The following ZFHX3 variants were observed in gnomAD, a reference collection of about 807,000 sequenced individuals.
The protein encoded by ZFHX3 is zinc finger homeobox 3.
ZFHX3 carries 42 observed loss-of-function variants against 279.1 expected under a neutral mutation model. The observed-to-expected ratio is 0.15, with a 90% CI of 0.12 to 0.19. ZFHX3 has a LOEUF of 0.19. Among genes scored for constraint, ZFHX3 ranks in the 10% least tolerant of loss-of-function variants. The probability of loss-of-function intolerance (pLI) is 1.00; values close to 1 mark genes in which losing one functional copy is unlikely to be tolerated. For synonymous variants in ZFHX3, 2,293 were observed against 1,957.8 expected, an observed-to-expected ratio of 1.17 and a Z score of -4.52; for missense variants, 4,981 against 4,754.0, an observed-to-expected ratio of 1.05 and a Z score of -1.40.
rs141118247 is a variant in ZFHX3, at chr16:73,218,586, T to G, written c.-1104+38461A>C. Among the ~76,000 whole-genome samples the G allele has an allele frequency of 6.5e-3, 995 of 152,220 alleles. 11 individuals are homozygous for G. Among genetic ancestry groups the G allele is most frequent in the African/African-American group, 0.023 (958 of 41,532 alleles). On this transcript the variant is annotated intron_variant, in intron 5 of 17. Transcript: ENST00000641206. ...GAGTTCGAGACCAGCCTGGCCAACA[T>G]GGCAAAACCCTGTCTCTACTAAAAA...
chr16:72,882,232 G>T (rs1453311421), intron 4 of ZFHX3, among the ~76,000 whole-genome samples: 2 of 141,696 alleles, frequency 1.4e-5, no homozygotes, highest in Non-Finnish European at 3.0e-5. Flanking sequence ...AGTGGCCACA[G>T]TATCAATGCT....
At chr16:72,916,478 A>G (rs1383236621) in intron 3 of ZFHX3, among the ~76,000 whole-genome samples, 1 of 152,244 alleles carries the variant, frequency 6.6e-6, no homozygotes, top group Non-Finnish European at 1.5e-5. Flanking sequence ...TAAGATGTGA[A>G]CAGAGACAGA....
chr16:72,911,873 G>C (rs1361266968), intron 3 of ZFHX3, among the ~76,000 whole-genome samples: 1 of 152,150 alleles, frequency 6.6e-6, no homozygotes, highest in South Asian at 2.1e-4. Flanking sequence ...CAGAGGGCAG[G>C]GGGAGAGGGA....
At position 72,890,101 on chromosome 16, in the gene ZFHX3, G is replaced by T. The variant is rs1410254370; in HGVS notation, c.3217-139C>A. 11 of 741,888 alleles carry T rather than the reference G, an allele frequency of 1.5e-5. No individual in the cohort carries two copies. In the African/African-American group the frequency reaches 1.9e-4, roughly 13 times the overall value. 46.0% of individuals were successfully genotyped at this position (741,888 alleles called of 1,614,324 possible). A position where few individuals can be genotyped will look rare whatever the true frequency, so the allele number is the denominator to read the frequency against. The stretch of plus-strand genomic sequence containing the variant: ...TCCACAGCCAAACAGGACAGTCTTT[G>T]ATATGGTTTGGCTGTGTCCCCGCCC... On this transcript the variant is annotated intron_variant, in intron 3 of 9. Transcript: ENST00000268489.
intron 1 of ZFHX3, among the ~76,000 whole-genome samples, chr16:72,979,354 G>A (rs1324093349): frequency 1.3e-5 from 2 of 152,158 alleles, no homozygotes; most frequent in Non-Finnish European, 2.9e-5. Flanking sequence ...GGAAAAAACA[G>A]CAAGGAGCTC....
rs183348588 is a variant in ZFHX3, at chr16:73,877,744, A to C, written c.-1608+13907T>G. Among the ~76,000 whole-genome samples the C allele has an allele frequency of 2.0e-5, 3 of 152,234 alleles. No individual in the cohort carries two copies. The East Asian group carries it at 5.8e-4, about 29-fold the overall frequency. ...AAAGAGGATTTTGTTCGGAGGAAAA[A>C]AATTAAAGTTTTAGCAAAATATTTT... is the stretch of plus-strand genomic sequence containing the variant. On this transcript the variant is annotated intron_variant, in intron 1 of 17. Coordinates refer to the ZFHX3 transcript ENST00000641206.
At chr16:73,589,435 C>CA (rs35416481) in intron 2 of ZFHX3, among the ~76,000 whole-genome samples, 13,036 of 136,090 alleles carry the variant, frequency 0.096, 806 homozygotes, top group Non-Finnish European at 0.14. Flanking sequence ...GACGCTCTTT[C>CA]AAAAAAAAAA....
At chr16:73,889,248 G>A (rs964335966) in intron 1 of ZFHX3, among the ~76,000 whole-genome samples, 10 of 152,202 alleles carry the variant, frequency 6.6e-5, no homozygotes, top group Admixed American at 6.5e-4. Flanking sequence ...GTGCAGGAAG[G>A]AAGCTGCGCC....
chr16:73,439,547 T>C (rs1193883368), intron 3 of ZFHX3, among the ~76,000 whole-genome samples: 1 of 152,144 alleles, frequency 6.6e-6, no homozygotes, highest in Non-Finnish European at 1.5e-5. Context: ...TGCTACACTC[T>C]TTCACTCCCT....
intron 1 of ZFHX3, among the ~76,000 whole-genome samples, chr16:73,758,479 C>T (rs1173480420): frequency 6.6e-6 from 1 of 152,188 alleles, no homozygotes; most frequent in Non-Finnish European, 1.5e-5. Flanking sequence ...CTTTACTCAG[C>T]TGATAACAGG....
intron 2 of ZFHX3, among the ~76,000 whole-genome samples, chr16:73,545,530 G>T (rs1306244770): frequency 6.6e-6 from 1 of 152,068 alleles, no homozygotes; most frequent in East Asian, 1.9e-4. Flanking sequence ...TCATGCAAAA[G>T]GATAATTTAT....
chr16:73,743,598 A>C (rs2053677949), intron 1 of ZFHX3, among the ~76,000 whole-genome samples: 1 of 152,220 alleles, frequency 6.6e-6, no homozygotes, highest in African/African-American at 2.4e-5. Context: ...GAAGTATGAC[A>C]GCTAAAAATT....
chr16:72,948,942 T>C (rs1960837893), intron 3 of ZFHX3, among the ~76,000 whole-genome samples: 1 of 152,202 alleles, frequency 6.6e-6, no homozygotes, highest in African/African-American at 2.4e-5. Context: ...TCCAGCAAGG[T>C]TCTTGCTCAT....
At chr16:73,430,534 C>G (rs922944900) in intron 3 of ZFHX3, among the ~76,000 whole-genome samples, 2 of 152,122 alleles carry the variant, frequency 1.3e-5, no homozygotes, top group Non-Finnish European at 2.9e-5. Context: ...CTTCTGCGGG[C>G]AGAAGAGAGG....
At chr16:73,751,262 A>C (rs1014366599) in intron 1 of ZFHX3, among the ~76,000 whole-genome samples, 5 of 152,366 alleles carry the variant, frequency 3.3e-5, no homozygotes, top group East Asian at 1.9e-4. Context: ...ACAAGTACTC[A>C]GTGCCCATAC....
At chr16:72,945,906 C>G (rs1048851218) in intron 3 of ZFHX3, among the ~76,000 whole-genome samples, 4 of 152,046 alleles carry the variant, frequency 2.6e-5, no homozygotes, top group Admixed American at 2.6e-4. Flanking sequence ...CTTCCTAAGA[C>G]CCCCACTTCC....
intron 4 of ZFHX3, among the ~76,000 whole-genome samples, chr16:73,276,885 G>A (rs1479974282): frequency 2.0e-5 from 3 of 152,154 alleles, no homozygotes; most frequent in Non-Finnish European, 2.9e-5. Flanking sequence ...AAACTGTGAC[G>A]TCCTTAAAAC....
chr16:72,945,809 A>G (rs1960640376), intron 3 of ZFHX3, among the ~76,000 whole-genome samples: 1 of 152,038 alleles, frequency 6.6e-6, no homozygotes, highest in Non-Finnish European at 1.5e-5. Flanking sequence ...GAGGAAGGGG[A>G]CGGTCCCCAA....
At chr16:72,804,908 G>C (rs1597253939) in intron 7 of ZFHX3, among the ~76,000 whole-genome samples, 3 of 152,124 alleles carry the variant, frequency 2.0e-5, no homozygotes, top group African/African-American at 7.2e-5. Flanking sequence ...CTGCAGACAG[G>C]CTCACCTAGG....
Sources: allele counts gnomAD v4.1 joint callset (sites outside exome capture counted in the v4.1 genomes callset), GRCh38; gene constraint gnomAD v4.1.1; transcripts MANE v1.5; gene names NCBI Gene and HGNC (gene_info 2026-07-23, HGNC 2026-07-21).